The following SMG1 variants were observed in gnomAD, a reference collection of about 807,000 sequenced individuals.
The protein encoded by SMG1 is serine/threonine-protein kinase SMG1.
In SMG1, 22 loss-of-function variants were observed where a neutral mutation model predicts 419.9. The ratio of observed to expected loss-of-function variants is 0.05; its 90% confidence interval spans 0.04 to 0.07. The LOEUF (loss-of-function observed/expected upper bound fraction) is 0.07, where lower values mean the gene tolerates loss of function less well. Ranked by LOEUF, SMG1 falls within the 10% of genes least tolerant of loss-of-function variation. The probability of loss-of-function intolerance (pLI) is 1.00; values close to 1 mark genes in which losing one functional copy is unlikely to be tolerated. For synonymous variants in SMG1, 1,538 were observed against 1,553.5 expected (o/e 0.99, Z 0.23); for missense variants, 3,185 against 4,342.0 (o/e 0.73, Z 7.49).
Position 18,830,388 on chromosome 16 carries a change from A to C in SMG1, c.8793-19T>G. The C allele has an allele frequency of 6.2e-7, 1 of 1,613,062 alleles. No individual in the cohort carries two copies. The highest frequency in any genetic ancestry group is 8.5e-7 in the Non-Finnish European group (1 of 1,179,222). ...TAGTAGTCTACAGAAAAACAAAAGG[A>C]GTTAAAACCTTCGCTGAAAAGTAAT... On this transcript the variant is annotated intron_variant, in intron 51 of 62. Transcript: ENST00000446231.
intron 1 of SMG1, among the ~76,000 whole-genome samples, chr16:18,916,221 G>T (rs2037971591): frequency 6.7e-6 from 1 of 149,798 alleles, no homozygotes; most frequent in South Asian, 2.1e-4. Flanking sequence ...AGATGGAAAA[G>T]AATAACATTA....
At position 18,866,721 on chromosome 16, in the gene SMG1, G is replaced by T. The variant is rs1364115935; in HGVS notation, c.3250C>A (p.His1084Asn). The T allele has an allele frequency of 1.3e-6, 2 of 1,596,758 alleles. No homozygotes were observed. The highest frequency in any genetic ancestry group is 8.5e-7 in the Non-Finnish European group (1 of 1,179,198). ...MMVVEALCELHCPEAIQGIAV... is the reference protein window; with the variant it reads ...MMVVEALCELNCPEAIQGIAV... ...ATTCCCTGTATAGCTTCAGGACAATGAAGTTCACATAATGCTTCTACCACC... is the reference window on the plus strand; with the variant it reads ...ATTCCCTGTATAGCTTCAGGACAATTAAGTTCACATAATGCTTCTACCACC... Residue 1084 changes from histidine to asparagine, a missense_variant, in exon 23 of 63, where the codon CAT becomes AAT. Around this residue, in one of 27 missense-constraint regions of SMG1, gnomAD observed 121 missense variants for 125.4 expected, o/e 0.96. Transcript: ENST00000446231.
At chr16:18,874,289 C>T (rs1437816191) in intron 13 of SMG1, among the ~76,000 whole-genome samples, 1 of 151,910 alleles carries the variant, frequency 6.6e-6, no homozygotes, top group Non-Finnish European at 1.5e-5. Context: ...CAGGTGTGCA[C>T]CACCACCCCT....
At chr16:18,844,452 ACAC>A (rs1433581127) in intron 39 of SMG1, among the ~76,000 whole-genome samples, 1 of 10,238 alleles carries the variant, frequency 9.8e-5, no homozygotes. Context: ...CAAACAAACA[ACAC>A]CCCCCCCCCC....
At chr16:18,819,047 G>C (rs970737339) in intron 56 of SMG1, among the ~76,000 whole-genome samples, 1 of 151,862 alleles carries the variant, frequency 6.6e-6, no homozygotes, top group African/African-American at 2.4e-5. Flanking sequence ...TTGAACTCCT[G>C]ACCTTGTGAT....
intron 1 of SMG1, among the ~76,000 whole-genome samples, chr16:18,919,197 C>T (rs1216101511): frequency 5.9e-5 from 9 of 151,848 alleles, no homozygotes; most frequent in African/African-American, 1.9e-4. Flanking sequence ...GGTAGTGGCA[C>T]ATGCCTGTAA....
intron 23 of SMG1, chr16:18,866,354 G>A: frequency 2.0e-6 from 1 of 489,616 alleles, no homozygotes; most frequent in South Asian, 2.1e-5. Flanking sequence ...CTCAACTAGG[G>A]ATCAAGTTCA....
At chr16:18,825,521 T>G (rs1374025855) in intron 55 of SMG1, among the ~76,000 whole-genome samples, 1 of 1,796 alleles carries the variant, frequency 5.6e-4, no homozygotes, top group East Asian at 9.1e-3. Context: ...CTTATGAAGC[T>G]TAGTTTGGCT....
intron 8 of SMG1, among the ~76,000 whole-genome samples, chr16:18,884,388 C>T (rs1203318205): frequency 8.5e-5 from 13 of 152,118 alleles, no homozygotes; most frequent in Non-Finnish European, 1.3e-4. Flanking sequence ...CAGAAATTAA[C>T]AGGTAAATGT....
chr16:18,815,538 T>C lies in SMG1; in HGVS notation c.10416A>G (p.Thr3472=), dbSNP rs977510753. Residue 3472 remains threonine, a synonymous_variant, in exon 59 of 63, where the codon ACA becomes ACG. Coordinates refer to ENST00000446231, the MANE Select transcript of SMG1 (RefSeq NM_015092.5). ...GAACCTGACCCATAGCCTGGACTAATGTAAATAGAACTGTTTGAATGTTGT... is the reference window on the plus strand; with the variant it reads ...GAACCTGACCCATAGCCTGGACTAACGTAAATAGAACTGTTTGAATGTTGT... The part of the protein sequence containing the change: ...WQDNIQTVLF[T]LVQAMGQVRS... 1 of 1,614,032 alleles carries C rather than the reference T, an allele frequency of 6.2e-7. No homozygotes were observed. Among genetic ancestry groups the C allele is most frequent in the South Asian group, 1.1e-5 (1 of 91,090 alleles).
chr16:18,832,163 C>A (rs2033230253), intron 51 of SMG1, among the ~76,000 whole-genome samples: 1 of 152,086 alleles, frequency 6.6e-6, no homozygotes, highest in Admixed American at 6.6e-5. Flanking sequence ...AACGGTGCTA[C>A]AATTCATTTC....
At chr16:18,844,201 G>A (rs867936921) in intron 39 of SMG1, among the ~76,000 whole-genome samples, 52 of 152,018 alleles carry the variant, frequency 3.4e-4, no homozygotes, top group Admixed American at 2.0e-4. Flanking sequence ...GGCCGAGGAG[G>A]GTGGATCACT....
chr16:18,817,444 A>G lies in SMG1; in HGVS notation c.9921T>C (p.Ile3307=), dbSNP rs2032115371. The G allele has an allele frequency of 6.3e-7, 1 of 1,584,056 alleles. No individual in the cohort carries two copies. Among genetic ancestry groups the G allele is most frequent in the African/African-American group, 1.3e-5 (1 of 74,446 alleles). The change falls in exon 57 of 63, where the codon ATT becomes ATC. Residue 3307 remains isoleucine (I), a synonymous_variant. Transcript: ENST00000446231. ...TTCTTGTTCGTAAACTTTCAAAATG[A>G]ATGATATTGCTGCAGAGAAATGTGA... ...SQVTFLCSNI[I]HFESLRTRTA... is the part of the protein sequence containing the mutation.
chr16:18,871,062 A>G (rs2035792598), intron 16 of SMG1, among the ~76,000 whole-genome samples, 174 bp from the exon 17 acceptor site: 1 of 152,270 alleles, frequency 6.6e-6, no homozygotes, highest in African/African-American at 2.4e-5. Flanking sequence ...AAAATGATAC[A>G]TTCAACAAAA....
intron 13 of SMG1, 123 bp from the exon 14 acceptor site, chr16:18,872,747 A>T: frequency 3.6e-6 from 3 of 827,990 alleles, no homozygotes; most frequent in Non-Finnish European, 3.7e-6. Flanking sequence ...ACTGCAAGGG[A>T]TCTAGTACAC....
Position 18,830,301 on chromosome 16 carries a change from A to G in SMG1, c.8861T>C (p.Met2954Thr). 5.0e-6 allele frequency: 8 copies of G among 1,613,956 alleles called. No individual in the cohort carries two copies. The highest frequency in any genetic ancestry group is 6.8e-6 in the Non-Finnish European group (8 of 1,179,874). The change falls in exon 52 of 63, where the codon ATG (methionine) becomes ACG (threonine). Residue 2954 changes from methionine (M) to threonine (T), a missense_variant. Met to Thr is a moderately conservative substitution (Grantham distance 81). Coordinates refer to ENST00000446231, the MANE Select transcript of SMG1 (RefSeq NM_015092.5). The part of the protein sequence containing the change: ...RNGSVDETPK[M>T]SAGQMLLVAF... ...TACCAAAAGCATCTGGCCAGCTGACATTTTGGGTGTTTCATCAACTGAACC... is the reference window on the plus strand; with the variant it reads ...TACCAAAAGCATCTGGCCAGCTGACGTTTTGGGTGTTTCATCAACTGAACC...
At chr16:18,810,951 G>A (rs541717842) in intron 62 of SMG1, among the ~76,000 whole-genome samples, 3 of 152,240 alleles carry the variant, frequency 2.0e-5, no homozygotes, top group Admixed American at 1.3e-4. Context: ...TAGGTAAAAC[G>A]TTTATGGGCA....
At chr16:18,891,815 T>G (rs1422112598) in intron 4 of SMG1, among the ~76,000 whole-genome samples, 1 of 152,224 alleles carries the variant, frequency 6.6e-6, no homozygotes, top group Non-Finnish European at 1.5e-5. Flanking sequence ...TCTGTTGTTG[T>G]TTTAAGAGAC....
At chr16:18,888,612 C>T (rs2036742284) in intron 6 of SMG1, among the ~76,000 whole-genome samples, 1 of 151,226 alleles carries the variant, frequency 6.6e-6, no homozygotes, top group South Asian at 2.1e-4. Context: ...GGACTACAGG[C>T]GCGTGCCACC....
Sources: gnomAD v4.1 joint callset for allele counts (sites outside exome capture counted in the v4.1 genomes callset) on GRCh38, gnomAD v4.1.1 for gene constraint, gnomAD v4.1.1 regional missense constraint, MANE v1.5 for transcripts, NCBI Gene and HGNC (gene_info 2026-07-23, HGNC 2026-07-21) for gene names.